The following LRRFIP1 variants were observed in gnomAD, a reference collection of about 807,000 sequenced individuals.
LRRFIP1 encodes leucine-rich repeat flightless-interacting protein 1.
A neutral mutation model predicts 104.4 loss-of-function variants in LRRFIP1; 62 were observed. That is an observed-to-expected ratio of 0.59 (90% CI 0.48 to 0.73). The LOEUF (loss-of-function observed/expected upper bound fraction) is 0.73, where lower values mean the gene tolerates loss of function less well. LRRFIP1 is among the 30% of genes least tolerant of loss of function. The pLI is 0.00. For synonymous variants in LRRFIP1, 300 were observed against 299.0 expected (o/e 1.00, Z -0.03); for missense variants, 796 against 824.5 (o/e 0.97, Z 0.42).
intron 1 of LRRFIP1, among the ~76,000 whole-genome samples, chr2:237,643,891 T>G (rs1488556554): frequency 6.6e-6 from 1 of 152,252 alleles, no homozygotes; most frequent in Non-Finnish European, 1.5e-5. Context: ...GGATTTAATT[T>G]GGCCAGGTGT....
At chr2:237,713,902 T>C (rs2094215027) in intron 2 of LRRFIP1, among the ~76,000 whole-genome samples, 2 of 152,228 alleles carry the variant, frequency 1.3e-5, no homozygotes, top group African/African-American at 4.8e-5. Flanking sequence ...TTCTGTACTT[T>C]TTGATTAAAC....
chr2:237,681,180 T>A (rs59712186), intron 1 of LRRFIP1, among the ~76,000 whole-genome samples: 1 of 152,016 alleles, frequency 6.6e-6, no homozygotes, highest in East Asian at 1.9e-4. Flanking sequence ...GGTCCTTTAC[T>A]GCTTCCTGAA....
Position 237,773,070 on chromosome 2 carries a change from G to T in LRRFIP1, c.1707+125G>T, listed in dbSNP as rs72985192. On this transcript the variant is annotated intron_variant, in intron 22 of 23. Coordinates refer to ENST00000308482, the MANE Select transcript of LRRFIP1 (RefSeq NM_001137550.2). ...TAGAACCAAGAAATGTCCTAAGAGGGATAAGTTAAGACAGCAAGTCTTTCC... is the reference window on the plus strand; with the variant it reads ...TAGAACCAAGAAATGTCCTAAGAGGTATAAGTTAAGACAGCAAGTCTTTCC... 8 of 693,320 alleles carry T rather than the reference G, an allele frequency of 1.2e-5. No homozygotes were observed. The Admixed American group carries it at 2.1e-4, about 19-fold the overall frequency. 42.9% of individuals were successfully genotyped at this position (693,320 alleles called of 1,614,324 possible). A position where few individuals can be genotyped will look rare whatever the true frequency, so the allele number is the denominator to read the frequency against.
intron 19 of LRRFIP1, chr2:237,765,396 CTG>C: frequency 1.3e-6 from 1 of 760,968 alleles, no homozygotes; most frequent in Non-Finnish European, 1.6e-6. Context: ...TGATTGCACA[CTG>C]TACTCTAGCC....
At chr2:237,741,477 CGTAATAAATTTAGT>C (rs1488783782) in intron 11 of LRRFIP1, among the ~76,000 whole-genome samples, 1 of 152,148 alleles carries the variant, frequency 6.6e-6, no homozygotes, top group African/African-American at 2.4e-5. Context: ...AAACATTTTC[CGTAATAAATTTAGT>C]GTAGGATTGC....
chr2:237,764,530 C>G, intron 19 of LRRFIP1: 2 of 1,062,926 alleles, frequency 1.9e-6, no homozygotes, highest in Non-Finnish European at 2.3e-6. Context: ...CATTCTTAGA[C>G]TTCTGTATTA....
chr2:237,741,837 GAAAAAAGAA>G (rs1361051221), intron 11 of LRRFIP1, among the ~76,000 whole-genome samples: 2 of 150,544 alleles, frequency 1.3e-5, no homozygotes, highest in African/African-American at 4.9e-5. Flanking sequence ...AAAAAAAAAA[GAAAAAAGAA>G]AAAAAAGAAA....
At chr2:237,710,495 C>A (rs540503491) in intron 2 of LRRFIP1, among the ~76,000 whole-genome samples, 1 of 152,004 alleles carries the variant, frequency 6.6e-6, no homozygotes, top group Non-Finnish European at 1.5e-5. Context: ...CCGTGTTAGC[C>A]AGGATGGTCT....
chr2:237,778,921 A>G (rs919069425), intron 23 of LRRFIP1, among the ~76,000 whole-genome samples: 43 of 149,654 alleles, frequency 2.9e-4, no homozygotes, highest in Non-Finnish European at 5.6e-4. Flanking sequence ...TGTCTCAAAA[A>G]AAAAAACAAA....
chr2:237,644,503 GT>G (rs2084552099), intron 1 of LRRFIP1, among the ~76,000 whole-genome samples: 1 of 152,240 alleles, frequency 6.6e-6, no homozygotes, highest in Admixed American at 6.5e-5. Flanking sequence ...TTGGAGGAGA[GT>G]TACGCTGGTG....
chr2:237,735,555 A>T lies in LRRFIP1; in HGVS notation c.555+222A>T, dbSNP rs2095216544. On this transcript the variant is annotated intron_variant, in intron 10 of 23. Transcript: ENST00000308482. The surrounding 1 kb of genome is among the most constrained non-coding windows in gnomAD (Gnocchi z 4.6). The stretch of plus-strand genomic sequence containing the variant: ...CATGTCCTCACTCATCAGGGAGAGT[A>T]ACTTGCACTGAGTTTCATCTGCTCT... 1.9e-6 allele frequency: 1 copy of T among 521,040 alleles called. No individual in the cohort carries two copies. The highest frequency in any genetic ancestry group is 2.5e-5 in the South Asian group (1 of 40,360). 32.3% of individuals were successfully genotyped at this position (521,040 alleles called of 1,614,324 possible). A position where few individuals can be genotyped will look rare whatever the true frequency, so the allele number is the denominator to read the frequency against.
chr2:237,684,467 C>T (rs2092163379), intron 1 of LRRFIP1: 1 of 152,146 alleles, frequency 6.6e-6, no homozygotes, highest in African/African-American at 2.4e-5. Flanking sequence ...CAGAGCAAGA[C>T]TATCTCAAAA....
intron 1 of LRRFIP1, among the ~76,000 whole-genome samples, chr2:237,647,385 TG>T (rs2085098366): frequency 6.6e-6 from 1 of 151,940 alleles, no homozygotes; most frequent in Non-Finnish European, 1.5e-5. Context: ...GTGGCACAGA[TG>T]GTGGAAAGGT....
At chr2:237,698,129 G>T (rs55903361) in intron 1 of LRRFIP1, among the ~76,000 whole-genome samples, 6,336 of 152,238 alleles carry the variant, frequency 0.042, 489 homozygotes, top group African/African-American at 0.15. Flanking sequence ...GGATGCGAAG[G>T]ACTTTAAAGA....
chr2:237,741,933 A>G (rs2057145682), intron 11 of LRRFIP1, among the ~76,000 whole-genome samples: 1 of 152,236 alleles, frequency 6.6e-6, no homozygotes, highest in Non-Finnish European at 1.5e-5. Context: ...AACACGCTTA[A>G]TGCCCTCTGT....
Position 237,635,979 on chromosome 2 carries a change from C to T in LRRFIP1, c.96+8239C>T, listed in dbSNP as rs549598607. On this transcript the variant is annotated intron_variant, in intron 1 of 23. Transcript: ENST00000308482. ...AAGCATGATGGCTTGTGCCTATGGT[C>T]CCAGCTAGTTGGGAGGCTGAGGTGG... is the stretch of plus-strand genomic sequence containing the variant. Among the ~76,000 whole-genome samples, 37 of 151,940 alleles carry T rather than the reference C, an allele frequency of 2.4e-4. No homozygotes were observed. In the South Asian group the frequency reaches 7.5e-3, roughly 31 times the overall value.
chr2:237,729,692 A>G (rs2150307992), intron 8 of LRRFIP1: 2 of 519,734 alleles, frequency 3.8e-6, no homozygotes. Flanking sequence ...GTGCTGTTCC[A>G]TGTTCGCCTT....
chr2:237,770,087 T>A (rs2150913012), intron 20 of LRRFIP1, 95 bp downstream of exon 20: 1 of 968,348 alleles, frequency 1.0e-6, no homozygotes, highest in African/African-American at 1.6e-5. Context: ...AACCCCTAAG[T>A]TAATCATGTC....
chr2:237,685,791 G>A (rs368846929), intron 1 of LRRFIP1, among the ~76,000 whole-genome samples: 22 of 152,130 alleles, frequency 1.4e-4, no homozygotes, highest in African/African-American at 4.1e-4. Flanking sequence ...CTTAAAAACC[G>A]ACAAACCATG....
Sources: gnomAD v4.1 joint callset for allele counts (sites outside exome capture counted in the v4.1 genomes callset) on GRCh38, gnomAD v4.1.1 for gene constraint, Gnocchi (gnomAD v3.1) non-coding constraint, MANE v1.5 for transcripts, NCBI Gene and HGNC (gene_info 2026-07-23, HGNC 2026-07-21) for gene names.